The following DAB1 variants were observed in gnomAD, a reference collection of about 807,000 sequenced individuals.
DAB1 encodes the protein DAB adaptor protein 1, also known as disabled homolog 1.
A neutral mutation model predicts 64.6 loss-of-function variants in DAB1; 15 were observed. The ratio of observed to expected loss-of-function variants is 0.23; its 90% confidence interval spans 0.16 to 0.36. DAB1 has a LOEUF of 0.36. Ranked by LOEUF, DAB1 falls within the 10% of genes least tolerant of loss-of-function variation. DAB1 has a pLI of 1.00. For synonymous variants in DAB1, 235 were observed against 251.9 expected, an observed-to-expected ratio of 0.93 and a Z score of 0.64; for missense variants, 596 against 706.7, an observed-to-expected ratio of 0.84 and a Z score of 1.78.
intron 7 of DAB1, among the ~76,000 whole-genome samples, chr1:57,459,376 A>G (rs950246689): frequency 6.6e-6 from 1 of 152,138 alleles, no homozygotes; most frequent in Non-Finnish European, 1.5e-5. Context: ...GCAGTTTGTC[A>G]TGGTGACAAA....
At chr1:58,010,783 G>A (rs1646656859) in intron 5 of DAB1, among the ~76,000 whole-genome samples, 1 of 152,204 alleles carries the variant, frequency 6.6e-6, no homozygotes, top group African/African-American at 2.4e-5. Context: ...GCCTATTGCA[G>A]ACATTACTAA....
intron 4 of DAB1, among the ~76,000 whole-genome samples, chr1:58,194,609 C>T (rs376597840): frequency 3.3e-5 from 5 of 152,186 alleles, no homozygotes; most frequent in Non-Finnish European, 5.9e-5. Context: ...AAGAAACTCT[C>T]GTATTTATAA....
At chr1:57,099,981 G>T (rs906325800) in intron 4 of DAB1, among the ~76,000 whole-genome samples, 1 of 152,150 alleles carries the variant, frequency 6.6e-6, no homozygotes, top group Non-Finnish European at 1.5e-5. Flanking sequence ...TGCTGATAGA[G>T]TAGGAAAGCC....
chr1:57,341,742 A>G (rs1677604638), intron 1 of DAB1, among the ~76,000 whole-genome samples: 1 of 152,188 alleles, frequency 6.6e-6, no homozygotes, highest in Non-Finnish European at 1.5e-5. Context: ...TTAAGAGTAC[A>G]CAGGTCCCCC....
At chr1:58,232,429 G>A (rs1659819970) in intron 4 of DAB1, among the ~76,000 whole-genome samples, 1 of 151,360 alleles carries the variant, frequency 6.6e-6, no homozygotes, top group African/African-American at 2.4e-5. Context: ...GAGGTTACCT[G>A]CCCACTATCC....
At chr1:57,127,127 A>G (rs1657192037) in intron 4 of DAB1, among the ~76,000 whole-genome samples, 1 of 152,198 alleles carries the variant, frequency 6.6e-6, no homozygotes, top group African/African-American at 2.4e-5. Flanking sequence ...CCTATTAAAT[A>G]ACCACGGCAC....
chr1:57,400,468 T>G (rs1049224828), intron 1 of DAB1, among the ~76,000 whole-genome samples: 1 of 152,050 alleles, frequency 6.6e-6, no homozygotes, highest in African/African-American at 2.4e-5. Context: ...AAGTAGATGG[T>G]TCTTTCCACT....
chr1:57,543,191 T>C (rs137881370), intron 7 of DAB1, among the ~76,000 whole-genome samples: 5 of 152,194 alleles, frequency 3.3e-5, no homozygotes, highest in African/African-American at 4.8e-5. Context: ...AGTTTCACGG[T>C]TTTCTACCTA....
chr1:57,738,483 C>T (rs1315099763), intron 6 of DAB1, among the ~76,000 whole-genome samples: 2 of 152,016 alleles, frequency 1.3e-5, no homozygotes, highest in South Asian at 4.2e-4. Context: ...CTCTCCCCCA[C>T]CCACAACCCC....
chr1:58,289,221 G>A (rs1213590455), intron 4 of DAB1, among the ~76,000 whole-genome samples: 2 of 152,078 alleles, frequency 1.3e-5, no homozygotes, highest in African/African-American at 4.8e-5. Context: ...GATTTGTAGA[G>A]AATTTTACAC....
At chr1:57,575,518 C>T (rs1449505584) in intron 7 of DAB1, among the ~76,000 whole-genome samples, 1 of 152,106 alleles carries the variant, frequency 6.6e-6, no homozygotes, top group Admixed American at 6.5e-5. Flanking sequence ...ATTGGAGTCA[C>T]ATGATGTAGA....
intron 2 of DAB1, among the ~76,000 whole-genome samples, chr1:57,240,170 T>A (rs1668397111): frequency 6.6e-6 from 1 of 152,086 alleles, no homozygotes; most frequent in Non-Finnish European, 1.5e-5. Flanking sequence ...TCCTAAATCC[T>A]CCAGTACCAA....
At chr1:57,955,039 A>T (rs189274138) in intron 5 of DAB1, among the ~76,000 whole-genome samples, 8 of 152,270 alleles carry the variant, frequency 5.3e-5, no homozygotes, top group African/African-American at 1.7e-4. Context: ...TGTTTGTACA[A>T]TGTGTTCCTG....
chr1:58,290,311 GAGC>G (rs1661784585), intron 4 of DAB1, among the ~76,000 whole-genome samples: 1 of 152,198 alleles, frequency 6.6e-6, no homozygotes, highest in African/African-American at 2.4e-5. Flanking sequence ...TCTGAATTGT[GAGC>G]AAGGTGTGGG....
chr1:57,916,346 T>G (rs1644726927), intron 5 of DAB1, among the ~76,000 whole-genome samples: 1 of 152,216 alleles, frequency 6.6e-6, no homozygotes, highest in African/African-American at 2.4e-5. Context: ...TTCCTATGAC[T>G]TGAATCCATT....
chr1:58,543,504 A>C (rs60739996), intron 1 of DAB1, among the ~76,000 whole-genome samples: 1 of 152,012 alleles, frequency 6.6e-6, no homozygotes, highest in East Asian at 1.9e-4. Flanking sequence ...TATGGTGTTG[A>C]TCACTACCCA....
chr1:57,442,870 G>T (rs1243575470), intron 7 of DAB1, among the ~76,000 whole-genome samples: 1 of 152,186 alleles, frequency 6.6e-6, no homozygotes, highest in Non-Finnish European at 1.5e-5. Flanking sequence ...GGGGGATAGG[G>T]TCAAATTTTT....
intron 1 of DAB1, among the ~76,000 whole-genome samples, chr1:57,377,380 G>A (rs116211383): frequency 3.5e-4 from 54 of 152,166 alleles, no homozygotes; most frequent in Non-Finnish European, 4.7e-4. Context: ...ATTCATCTAG[G>A]ACCCTGTTAA....
intron 1 of DAB1, among the ~76,000 whole-genome samples, chr1:58,538,272 A>G (rs1646549114): frequency 6.6e-6 from 1 of 152,198 alleles, no homozygotes. Flanking sequence ...AAAAAAACAA[A>G]GATTTGTTGG....
Sources: allele counts gnomAD v4.1 joint callset (sites outside exome capture counted in the v4.1 genomes callset), GRCh38; gene constraint gnomAD v4.1.1; transcripts MANE v1.5; gene names NCBI Gene and HGNC (gene_info 2026-07-23, HGNC 2026-07-21).